The following CFAP20DC variants were observed in gnomAD, a reference collection of about 807,000 sequenced individuals.
The protein encoded by CFAP20DC is CFAP20 domain containing, also known as protein CFAP20DC.
CFAP20DC carries 84 observed loss-of-function variants against 101.7 expected under a neutral mutation model. That is an observed-to-expected ratio of 0.83 (90% CI 0.69 to 0.99). The LOEUF is 0.99. CFAP20DC is among the 50% of genes least tolerant of loss of function. The probability of loss-of-function intolerance (pLI) is 0.00; values close to 1 mark genes in which losing one functional copy is unlikely to be tolerated. For missense variants in CFAP20DC, 1,007 were observed against 970.3 expected (o/e 1.04, Z -0.50); for synonymous variants, 359 against 351.2 (o/e 1.02, Z -0.25).
chr3:58,912,665 C>T lies in CFAP20DC; in HGVS notation c.550+1043G>A. ...AAAATCAAAAGGAGGCATCAGTATT[C>T]TTTCAATACTTTTGGTTGTTTAAAA... On this transcript the variant is annotated intron_variant, in intron 6 of 16. Transcript: ENST00000482387. This position sits in a 1 kb window ranked among gnomAD's most constrained non-coding sequence, Gnocchi z 4.4. 3 of 440,792 alleles carry T rather than the reference C, an allele frequency of 6.8e-6. No homozygotes were observed. The East Asian group carries it at 2.1e-4, about 31-fold the overall frequency. 27.3% of individuals were successfully genotyped at this position (440,792 alleles called of 1,614,324 possible). A position where few individuals can be genotyped will look rare whatever the true frequency, so the allele number is the denominator to read the frequency against.
intron 4 of CFAP20DC, among the ~76,000 whole-genome samples, chr3:58,969,783 G>T (rs2091838526): frequency 6.6e-6 from 1 of 152,098 alleles, no homozygotes; most frequent in Non-Finnish European, 1.5e-5. Context: ...AGACACAAAA[G>T]ACCACATATA....
chr3:58,981,577 G>C (rs891159665), intron 4 of CFAP20DC, among the ~76,000 whole-genome samples: 2 of 152,168 alleles, frequency 1.3e-5, no homozygotes, highest in African/African-American at 4.8e-5. Flanking sequence ...TCTGGTCTTT[G>C]ACAAACCTGA....
intron 4 of CFAP20DC, among the ~76,000 whole-genome samples, chr3:59,008,354 C>A (rs1559982431): frequency 6.6e-6 from 1 of 152,138 alleles, no homozygotes; most frequent in Non-Finnish European, 1.5e-5. Context: ...AGAGCTTCCC[C>A]AGCCACACTC....
At chr3:58,990,877 C>T (rs2092915422) in intron 4 of CFAP20DC, among the ~76,000 whole-genome samples, 1 of 151,950 alleles carries the variant, frequency 6.6e-6, no homozygotes, top group African/African-American at 2.4e-5. Context: ...TCAACCTGTG[C>T]TCTGCGCACT....
intron 4 of CFAP20DC, among the ~76,000 whole-genome samples, chr3:59,038,915 A>G (rs1471525073): frequency 2.0e-5 from 3 of 152,118 alleles, no homozygotes; most frequent in Non-Finnish European, 2.9e-5. Context: ...AAAATAGCAT[A>G]CCTTAAATGT....
chr3:58,982,680 G>C (rs1308828500), intron 4 of CFAP20DC, among the ~76,000 whole-genome samples: 3 of 134,676 alleles, frequency 2.2e-5, no homozygotes, highest in African/African-American at 5.6e-5. Flanking sequence ...ACACAGGAAG[G>C]GGAACATCAC....
intron 15 of CFAP20DC, 68 bp downstream of exon 15, chr3:58,806,327 A>G: frequency 1.8e-6 from 2 of 1,113,004 alleles, no homozygotes; most frequent in Non-Finnish European, 2.7e-6. Flanking sequence ...TCAGAAAACC[A>G]AGAAAAATGT....
Position 58,944,445 on chromosome 3 carries a change from C to T in CFAP20DC, c.279-6683G>A, listed in dbSNP as rs555603892. The stretch of plus-strand genomic sequence containing the variant: ...ATATACAGTTAGTAAGTAGCAGAGA[C>T]AAGTGTTACCATTCTGTCTTTGAAC... On this transcript the variant is annotated intron_variant, in intron 4 of 16. Coordinates refer to ENST00000482387, the MANE Select transcript of CFAP20DC (RefSeq NM_001394063.1). Among the ~76,000 whole-genome samples, 27 of 152,282 alleles carry T rather than the reference C, an allele frequency of 1.8e-4. 1 individual carries two copies. The highest frequency in any genetic ancestry group is 6.5e-4 in the African/African-American group (27 of 41,562).
At position 58,753,838 on chromosome 3, in the gene CFAP20DC, G is replaced by A. The variant is rs757323013; in HGVS notation, c.2263C>T (p.Pro755Ser). Reference protein sequence around the residue: ...PRDWLNMLSPPIVPPSQQPAE... With the variant: ...PRDWLNMLSPSIVPPSQQPAE... ...GGCTGTTGACTGGGAGGAACGATTG[G>A]TGGGCTCAACATATTTAACCAGTCC... The change falls in exon 16 of 17, where the codon CCA becomes TCA. Residue 755 changes from proline (P) to serine (S), a missense_variant. Transcript: ENST00000482387. 8.1e-6 allele frequency: 13 copies of A among 1,612,328 alleles called. No individual in the cohort carries two copies. The highest frequency in any genetic ancestry group is 1.1e-5 in the Non-Finnish European group (13 of 1,179,074).
Position 58,721,263 on chromosome 3 carries a change from C to T in CFAP20DC, c.198-3635G>A, listed in dbSNP as rs991747391. ...ATGTTCCAACACGTTTATTAAACAC[C>T]TTATCTGGGCCAGGGATTGTGTACT... On this transcript the variant is annotated intron_variant, in intron 3 of 3. Transcript: ENST00000486145. This position sits in a 1 kb window ranked among gnomAD's most constrained non-coding sequence, Gnocchi z 5.2. 9.9e-5 allele frequency among the ~76,000 whole-genome samples: 15 copies of T among 152,240 alleles called. No individual in the cohort carries two copies. The highest frequency in any genetic ancestry group is 2.1e-4 in the Non-Finnish European group (14 of 68,024).
chr3:58,891,143 C>T (rs1165151348), intron 6 of CFAP20DC, among the ~76,000 whole-genome samples: 1 of 151,818 alleles, frequency 6.6e-6, no homozygotes, highest in African/African-American at 2.4e-5. Flanking sequence ...CCATTGAGCA[C>T]TGAGTGAACG....
chr3:58,829,316 G>A (rs2076242548), intron 14 of CFAP20DC, among the ~76,000 whole-genome samples: 1 of 130,792 alleles, frequency 7.6e-6, no homozygotes, highest in African/African-American at 2.9e-5. Context: ...GTGAGACTCA[G>A]TCTCAAAAAA....
intron 15 of CFAP20DC, among the ~76,000 whole-genome samples, chr3:58,778,780 G>A (rs2071567668): frequency 6.6e-6 from 1 of 152,174 alleles, no homozygotes; most frequent in Non-Finnish European, 1.5e-5. Context: ...TGGCATCCCA[G>A]TTCCCAGCAA....
At chr3:58,890,423 G>A (rs1421278667) in intron 6 of CFAP20DC, among the ~76,000 whole-genome samples, 2 of 138,236 alleles carry the variant, frequency 1.4e-5, no homozygotes, top group Non-Finnish European at 3.1e-5. Context: ...GGGGTGGCTG[G>A]CCGGGCGGGG....
chr3:58,910,190 G>A (rs898430622), intron 6 of CFAP20DC, among the ~76,000 whole-genome samples: 8 of 151,804 alleles, frequency 5.3e-5, no homozygotes, highest in Non-Finnish European at 1.2e-4. Flanking sequence ...TTACTTTTTT[G>A]GAGCAGCTTC....
intron 6 of CFAP20DC, among the ~76,000 whole-genome samples, chr3:58,901,961 GTC>G (rs2083186496): frequency 6.6e-6 from 1 of 152,046 alleles, no homozygotes; most frequent in African/African-American, 2.4e-5. Context: ...AATCTCTTCT[GTC>G]TCTGTGGATT....
chr3:58,780,875 A>G (rs2071766278), intron 15 of CFAP20DC, among the ~76,000 whole-genome samples: 1 of 152,030 alleles, frequency 6.6e-6, no homozygotes. Flanking sequence ...TAGTCAGATC[A>G]TCTAGACAGA....
chr3:58,824,160 A>T (rs1270773679), intron 14 of CFAP20DC, among the ~76,000 whole-genome samples: 1 of 152,204 alleles, frequency 6.6e-6, no homozygotes, highest in African/African-American at 2.4e-5. Flanking sequence ...AGCACAATCA[A>T]CTGCATACCT....
intron 4 of CFAP20DC, among the ~76,000 whole-genome samples, chr3:59,019,499 C>G (rs1208932890): frequency 2.0e-5 from 3 of 151,792 alleles, no homozygotes; most frequent in African/African-American, 4.8e-5. Context: ...AAGATGAAAG[C>G]AGCCTAGGTC....
Sources: gnomAD v4.1 joint callset for allele counts (sites outside exome capture counted in the v4.1 genomes callset) on GRCh38, gnomAD v4.1.1 for gene constraint, Gnocchi (gnomAD v3.1) non-coding constraint, MANE v1.5 for transcripts, NCBI Gene and HGNC (gene_info 2026-07-23, HGNC 2026-07-21) for gene names.